The following CCDC91 variants were observed in gnomAD, a reference collection of about 807,000 sequenced individuals.
CCDC91 encodes the protein coiled-coil domain-containing protein 91.
CCDC91 carries 48 observed loss-of-function variants against 63.2 expected under a neutral mutation model. The ratio of observed to expected loss-of-function variants is 0.76; its 90% CI spans 0.60 to 0.97. The LOEUF is 0.97. CCDC91 is among the 50% of genes least tolerant of loss of function. CCDC91 has a pLI of 0.00. For missense variants in CCDC91, 500 were observed against 494.6 expected (o/e 1.01, Z -0.10); for synonymous variants, 167 against 165.8 (o/e 1.01, Z -0.06).
intron 12 of CCDC91, among the ~76,000 whole-genome samples, chr12:28,512,735 C>T (rs982153656): frequency 1.3e-5 from 2 of 151,774 alleles, no homozygotes; most frequent in African/African-American, 2.4e-5. Context: ...ACCTCCATTC[C>T]GATAGGGTTT....
intron 1 of CCDC91, among the ~76,000 whole-genome samples, chr12:28,209,630 C>T (rs1349300814): frequency 3.9e-5 from 6 of 152,102 alleles, no homozygotes; most frequent in Non-Finnish European, 8.8e-5. Context: ...AGGGTTTCGT[C>T]ATGTTGACCA....
intron 1 of CCDC91, among the ~76,000 whole-genome samples, chr12:28,218,601 G>A (rs189533537): frequency 4.1e-4 from 63 of 151,902 alleles, no homozygotes; most frequent in African/African-American, 1.4e-3. Flanking sequence ...ACTAGACCCC[G>A]TCCCACCACC....
At chr12:28,325,419 G>A (rs957586966) in intron 6 of CCDC91, among the ~76,000 whole-genome samples, 2 of 151,902 alleles carry the variant, frequency 1.3e-5, no homozygotes, top group Non-Finnish European at 2.9e-5. Flanking sequence ...TGATACATTA[G>A]CGGAAAAACA....
At chr12:28,366,908 G>C (rs906321473) in intron 7 of CCDC91, among the ~76,000 whole-genome samples, 9 of 152,048 alleles carry the variant, frequency 5.9e-5, no homozygotes, top group African/African-American at 1.9e-4. Context: ...GGAGATCCTT[G>C]TTCCCTGTAT....
intron 2 of CCDC91, among the ~76,000 whole-genome samples, chr12:28,258,982 G>T (rs896160665): frequency 8.1e-4 from 123 of 151,884 alleles, no homozygotes; most frequent in Non-Finnish European, 1.6e-3. Flanking sequence ...TTAATTAAAA[G>T]AATTTGGTGT....
chr12:28,223,354 C>G (rs765630317), intron 1 of CCDC91, among the ~76,000 whole-genome samples: 18 of 152,106 alleles, frequency 1.2e-4, no homozygotes, highest in Non-Finnish European at 1.9e-4. Flanking sequence ...TAGTACCTGT[C>G]TGATATTTCC....
intron 6 of CCDC91, among the ~76,000 whole-genome samples, chr12:28,318,369 AAAAG>A (rs926176424): frequency 2.0e-5 from 3 of 151,562 alleles, no homozygotes; most frequent in Non-Finnish European, 4.4e-5. Flanking sequence ...AAGAAAAAAA[AAAAG>A]AAACCAAAAA....
At chr12:28,486,086 G>A (rs1319480796) in intron 12 of CCDC91, among the ~76,000 whole-genome samples, 4 of 152,188 alleles carry the variant, frequency 2.6e-5, no homozygotes, top group Admixed American at 6.5e-5. Context: ...GCTTTAGAAC[G>A]TATTCATCTT....
chr12:28,476,170 A>T (rs1364766890), intron 11 of CCDC91, among the ~76,000 whole-genome samples: 1 of 152,118 alleles, frequency 6.6e-6, no homozygotes, highest in East Asian at 1.9e-4. Flanking sequence ...CTAAATATAC[A>T]TTCTTCTCAG....
At chr12:28,482,854 A>T (rs1951519687) in intron 11 of CCDC91, among the ~76,000 whole-genome samples, 1 of 152,012 alleles carries the variant, frequency 6.6e-6, no homozygotes, top group Non-Finnish European at 1.5e-5. Context: ...TATTTTATTT[A>T]AAGTGACCAA....
At chr12:28,415,310 A>T (rs1592605149) in intron 8 of CCDC91, among the ~76,000 whole-genome samples, 1 of 150,696 alleles carries the variant, frequency 6.6e-6, no homozygotes, top group African/African-American at 2.4e-5. Flanking sequence ...TGCAACCTCC[A>T]CCTCCCAGGT....
intron 8 of CCDC91, among the ~76,000 whole-genome samples, chr12:28,395,523 G>A (rs956647340): frequency 2.6e-5 from 4 of 152,042 alleles, no homozygotes; most frequent in South Asian, 2.1e-4. Flanking sequence ...CACAGAACTC[G>A]GGGAAACATT....
intron 1 of CCDC91, among the ~76,000 whole-genome samples, chr12:28,246,808 G>A (rs1945769483): frequency 6.6e-6 from 1 of 152,166 alleles, no homozygotes; most frequent in African/African-American, 2.4e-5. Flanking sequence ...CTTACCTGCT[G>A]TGGTGTAAAG....
chr12:28,354,032 C>A (rs1031825875), intron 6 of CCDC91, among the ~76,000 whole-genome samples: 1 of 152,120 alleles, frequency 6.6e-6, no homozygotes, highest in African/African-American at 2.4e-5. Flanking sequence ...TCATGTGTAC[C>A]CCTGAACTTA....
chr12:28,380,893 AG>A (rs1164769490), intron 7 of CCDC91, among the ~76,000 whole-genome samples: 1 of 152,124 alleles, frequency 6.6e-6, no homozygotes, highest in Non-Finnish European at 1.5e-5. Context: ...CTGCAGGAAA[AG>A]TACTTGTATG....
chr12:28,316,556 C>CTTTTTTTTTTT (rs67889099), intron 6 of CCDC91, among the ~76,000 whole-genome samples: 1 of 28,484 alleles, frequency 3.5e-5, no homozygotes, highest in Admixed American at 4.3e-4. Flanking sequence ...CAACTCACAC[C>CTTTTTTTTTTT]TTTTTTTTTT....
intron 1 of CCDC91, among the ~76,000 whole-genome samples, chr12:28,217,017 G>T (rs1195777196): frequency 1.3e-5 from 2 of 152,042 alleles, no homozygotes; most frequent in African/African-American, 2.4e-5. Context: ...CAGTACATTC[G>T]TATAATACTA....
At chr12:28,273,363 G>A (rs1408813150) in intron 3 of CCDC91, among the ~76,000 whole-genome samples, 1 of 152,140 alleles carries the variant, frequency 6.6e-6, no homozygotes, top group African/African-American at 2.4e-5. Flanking sequence ...CCAGTAATGG[G>A]ATTGCTGGGT....
chr12:28,370,365 A>T (rs934359139), intron 7 of CCDC91, among the ~76,000 whole-genome samples: 3 of 152,144 alleles, frequency 2.0e-5, no homozygotes, highest in African/African-American at 7.2e-5. Context: ...AATGCTGTTG[A>T]GTCTCTTTGT....
Sources: gnomAD v4.1 joint callset for allele counts (sites outside exome capture counted in the v4.1 genomes callset) on GRCh38, gnomAD v4.1.1 for gene constraint, MANE v1.5 for transcripts, NCBI Gene and HGNC (gene_info 2026-07-23, HGNC 2026-07-21) for gene names.